Variants in CCDC167 observed in about 807,000 individuals in gnomAD.
The protein encoded by CCDC167 is coiled-coil domain-containing protein 167.
Under a neutral mutation model 12.7 loss-of-function variants are expected in CCDC167, and 15 were observed. That is an observed-to-expected ratio of 1.18 (90% CI 0.79 to 1.81). The LOEUF (loss-of-function observed/expected upper bound fraction) is 1.81, where lower values mean the gene tolerates loss of function less well. Ranked by LOEUF, CCDC167 falls within the 40% of genes most tolerant of loss-of-function variation. CCDC167 has a pLI of 0.00. For missense variants in CCDC167, 121 were observed against 120.1 expected, an observed-to-expected ratio of 1.01 and a Z score of -0.03; for synonymous variants, 52 against 49.0, an observed-to-expected ratio of 1.06 and a Z score of -0.26.
chr6:37,486,350 T>C (rs564304234), intron 1 of CCDC167, among the ~76,000 whole-genome samples: 9 of 152,344 alleles, frequency 5.9e-5, no homozygotes, highest in Admixed American at 3.3e-4. Context: ...AGTTAGCCCC[T>C]GCAGGGTTAG....
rs1465786025 is a variant in CCDC167 at position 37,485,108 on chromosome 6, T to C, written c.129A>G (p.Pro43=). ...NSRLHSRELS[P]EARRSLEKEK... ...CTGGGCAGGAGCATTACCTGGCCTC[T>C]GGGCTCAGCTCCCGGCTGTGGAGTC... Residue 43 remains proline (P), a synonymous_variant, in exon 2 of 4, where the codon CCA becomes CCG. Transcript: ENST00000373408. 2 of 1,612,364 alleles carry C rather than the reference T, an allele frequency of 1.2e-6. No homozygotes were observed.
chr6:37,489,780 G>A (rs1009053016), intron 1 of CCDC167, among the ~76,000 whole-genome samples: 20 of 152,202 alleles, frequency 1.3e-4, no homozygotes, highest in Admixed American at 2.6e-4. Context: ...ACTCCTGCCC[G>A]ACAGGCTGCA....
chr6:37,492,055 A>G (rs941962688), intron 1 of CCDC167, among the ~76,000 whole-genome samples: 13 of 152,158 alleles, frequency 8.5e-5, no homozygotes, highest in African/African-American at 3.1e-4. Context: ...TGTGTCTGCA[A>G]CCGCCCTGCA....
At chr6:37,491,535 G>A (rs1408867754) in intron 1 of CCDC167, among the ~76,000 whole-genome samples, 1 of 152,180 alleles carries the variant, frequency 6.6e-6, no homozygotes, top group Non-Finnish European at 1.5e-5. Flanking sequence ...AGTGGTAATG[G>A]GGCATACACT....
At chr6:37,492,077 A>T (rs894470299) in intron 1 of CCDC167, among the ~76,000 whole-genome samples, 2 of 152,204 alleles carry the variant, frequency 1.3e-5, no homozygotes, top group African/African-American at 4.8e-5. Flanking sequence ...GGAAGGGCCC[A>T]TCTCCATCTT....
chr6:37,499,599 C>T (rs1001485258), intron 1 of CCDC167, among the ~76,000 whole-genome samples: 4 of 152,218 alleles, frequency 2.6e-5, no homozygotes, highest in Admixed American at 6.5e-5. Flanking sequence ...TCTGGAGATG[C>T]CCTCTCCAGA....
chr6:37,494,805 A>ATTTTTTTTTT (rs201478338), intron 1 of CCDC167, among the ~76,000 whole-genome samples: 7,530 of 114,894 alleles, frequency 0.066, 1,073 homozygotes, highest in African/African-American at 0.22. Context: ...CTACCTACAA[A>ATTTTTTTTTT]TTTTTTTTTT....
intron 1 of CCDC167, among the ~76,000 whole-genome samples, chr6:37,490,261 T>C (rs1762001206): frequency 6.6e-6 from 1 of 152,088 alleles, no homozygotes. Flanking sequence ...GTGTGAAGGG[T>C]GTCCTGGGGA....
chr6:37,492,812 G>C (rs1762039981), intron 1 of CCDC167, among the ~76,000 whole-genome samples: 1 of 152,220 alleles, frequency 6.6e-6, no homozygotes, highest in African/African-American at 2.4e-5. Flanking sequence ...TCTCTGGCAA[G>C]AGTGCAGGGG....
At chr6:37,487,191 G>C (rs1761954129) in intron 1 of CCDC167, among the ~76,000 whole-genome samples, 1 of 152,188 alleles carries the variant, frequency 6.6e-6, no homozygotes, top group Admixed American at 6.5e-5. Flanking sequence ...GTCAGGTCTA[G>C]CCCACAGATT....
At chr6:37,485,031 G>A in intron 2 of CCDC167, 69 bp downstream of exon 2, 24 of 1,499,576 alleles carry the variant, frequency 1.6e-5, no homozygotes, top group Non-Finnish European at 2.2e-5. Context: ...CTACTTTGGG[G>A]GACCCAGGAT....
intron 1 of CCDC167, among the ~76,000 whole-genome samples, chr6:37,492,318 GC>G (rs1397738526): frequency 6.6e-6 from 1 of 151,920 alleles, no homozygotes; most frequent in Non-Finnish European, 1.5e-5. Context: ...TGCTGATCTG[GC>G]TTCAACAGAT....
chr6:37,489,842 TG>T (rs1204144723), intron 1 of CCDC167, among the ~76,000 whole-genome samples: 2 of 152,156 alleles, frequency 1.3e-5, no homozygotes, highest in Non-Finnish European at 2.9e-5. Flanking sequence ...GGCCAGGACT[TG>T]CCTGGAGCTA....
At chr6:37,485,585 G>C (rs1761932027) in intron 1 of CCDC167, among the ~76,000 whole-genome samples, 1 of 152,262 alleles carries the variant, frequency 6.6e-6, no homozygotes, top group African/African-American at 2.4e-5. Context: ...AACACGGCAT[G>C]CACCTGCCCC....
chr6:37,497,187 AC>A lies in CCDC167; in HGVS notation c.42+2634del, dbSNP rs576937847. On this transcript the variant is annotated intron_variant, in intron 1 of 3. Transcript: ENST00000373408. ...CATATTCCTTCATTTACATACTCCT[AC>A]CTTAGCCTGAATACAGTTGGTTCTT... 1.9e-4 allele frequency among the ~76,000 whole-genome samples: 29 copies of A among 152,226 alleles called. No individual in the cohort carries two copies. The South Asian group carries it at 5.8e-3, about 30-fold the overall frequency.
chr6:37,495,728 C>G (rs1739973687), intron 1 of CCDC167, among the ~76,000 whole-genome samples: 1 of 152,192 alleles, frequency 6.6e-6, no homozygotes, highest in South Asian at 2.1e-4. Flanking sequence ...TTGGTAATTG[C>G]TTCATTACAA....
intron 1 of CCDC167, 105 bp downstream of exon 1, chr6:37,499,717 T>A: frequency 3.1e-6 from 4 of 1,297,278 alleles, no homozygotes; most frequent in Non-Finnish European, 4.4e-6. Flanking sequence ...CGCCCTCTCA[T>A]CCTACGCTTG....
intron 1 of CCDC167, among the ~76,000 whole-genome samples, chr6:37,494,804 A>ATTTTTTTT (rs1561799989): frequency 2.7e-4 from 12 of 44,928 alleles, no homozygotes; most frequent in East Asian, 1.2e-3. Context: ...CCTACCTACA[A>ATTTTTTTT]ATTTTTTTTT....
At chr6:37,494,227 G>A (rs1762068513) in intron 1 of CCDC167, among the ~76,000 whole-genome samples, 1 of 152,006 alleles carries the variant, frequency 6.6e-6, no homozygotes, top group Non-Finnish European at 1.5e-5. Context: ...CCCCATGCCT[G>A]GCTAATTTTG....
Sources: gnomAD v4.1 joint callset for allele counts (sites outside exome capture counted in the v4.1 genomes callset) on GRCh38, gnomAD v4.1.1 for gene constraint, MANE v1.5 for transcripts, NCBI Gene and HGNC (gene_info 2026-07-23, HGNC 2026-07-21) for gene names.